The following PLEKHA1 variants were observed in gnomAD, a reference collection of about 807,000 sequenced individuals.
The protein encoded by PLEKHA1 is pleckstrin homology domain containing A1.
A neutral mutation model predicts 52.0 loss-of-function variants in PLEKHA1; 34 were observed. The observed-to-expected ratio is 0.65, with a 90% CI of 0.50 to 0.87. The LOEUF (loss-of-function observed/expected upper bound fraction) is 0.87. Among genes scored for constraint, PLEKHA1 ranks in the 40% least tolerant of loss-of-function variants. The pLI is 0.00. For synonymous variants in PLEKHA1, 163 were observed against 170.7 expected (o/e 0.95, Z 0.35); for missense variants, 497 against 504.2 (o/e 0.99, Z 0.14).
In PLEKHA1 at chr10:122,393,194, C is replaced by T; in HGVS notation, c.-7C>T. 1 of 1,606,000 alleles carries T rather than the reference C, an allele frequency of 6.2e-7. No homozygotes were observed. Among genetic ancestry groups the T allele is most frequent in the Non-Finnish European group, 8.5e-7 (1 of 1,176,750 alleles). On this transcript the variant is annotated 5_prime_UTR_variant, in exon 2 of 12. Transcript: ENST00000368990. The surrounding 1 kb of genome is among the most constrained non-coding windows in gnomAD (Gnocchi z 4.5). ...TTTATTTTACAGTGTAATGTTCAAG[C>T]TCAGAAATGCCTTATGTGGATCGTC...
intron 1 of PLEKHA1, among the ~76,000 whole-genome samples, chr10:122,386,241 T>C (rs1228101979): frequency 6.6e-6 from 1 of 152,152 alleles, no homozygotes; most frequent in African/African-American, 2.4e-5. Context: ...TGACTAATTA[T>C]AGTAGGCATC....
chr10:122,391,667 G>A (rs2096777184), intron 1 of PLEKHA1, among the ~76,000 whole-genome samples: 1 of 151,688 alleles, frequency 6.6e-6, no homozygotes, highest in Non-Finnish European at 1.5e-5. Flanking sequence ...CTCATGGCAA[G>A]TTGATAGCTT....
intron 2 of PLEKHA1, 92 bp from the exon 3 acceptor site, chr10:122,397,826 T>A: frequency 9.7e-7 from 1 of 1,034,746 alleles, no homozygotes; most frequent in Non-Finnish European, 1.4e-6. Flanking sequence ...AAAATTGAGT[T>A]TTTAACTTTT....
intron 3 of PLEKHA1, among the ~76,000 whole-genome samples, chr10:122,398,321 C>T (rs1004782750): frequency 6.6e-6 from 1 of 151,566 alleles, no homozygotes; most frequent in Non-Finnish European, 1.5e-5. Context: ...CTGTTTTCAA[C>T]TTTTAAATCC....
downstream of PLEKHA1, chr10:122,434,699 C>T: frequency 6.9e-6 from 1 of 144,734 alleles, no homozygotes; most frequent in African/African-American, 2.6e-5. Flanking sequence ...GGTATATCTC[C>T]TAATGCTATC....
chr10:122,426,912 A>T, intron 10 of PLEKHA1, 30 bp from the exon 11 acceptor site: 1 of 1,567,214 alleles, frequency 6.4e-7, no homozygotes, highest in South Asian at 1.1e-5. Context: ...TTGAGAAAAA[A>T]TTGTTTGAAT....
intron 3 of PLEKHA1, among the ~76,000 whole-genome samples, chr10:122,398,929 A>G (rs2096888551): frequency 6.6e-6 from 1 of 152,218 alleles, no homozygotes; most frequent in Admixed American, 6.5e-5. Context: ...TTTTTCTGTT[A>G]AGATCATACT....
Position 122,393,461 on chromosome 10 carries a change from C to A in PLEKHA1, c.141+120C>A. The A allele has an allele frequency of 1.0e-6, 1 of 990,350 alleles. No individual in the cohort carries two copies. The highest frequency in any genetic ancestry group is 1.7e-5 in the African/African-American group (1 of 59,770). The allele number at this position is 990,350 out of a possible 1,614,324, so 61.3% of individuals were successfully genotyped here. On this transcript the variant is annotated intron_variant, in intron 2 of 11. Transcript: ENST00000368990. The surrounding 1 kb of genome is among the most constrained non-coding windows in gnomAD (Gnocchi z 4.5). Reference sequence around the variant, plus strand: ...CAGTATATTTTTAGATTTATTTCTACTGGCTGTCCTCTCTGCCCTGCACCC... The same window carrying A: ...CAGTATATTTTTAGATTTATTTCTAATGGCTGTCCTCTCTGCCCTGCACCC...
chr10:122,423,543 A>G lies in PLEKHA1; in HGVS notation c.682-656A>G, dbSNP rs1037661707. 3.9e-5 allele frequency: 6 copies of G among 152,124 alleles called. No individual in the cohort carries two copies. In the East Asian group the frequency reaches 9.6e-4, roughly 24 times the overall value. The allele number at this position is 152,124 out of a possible 1,614,324, so 9.4% of individuals were successfully genotyped here. A position where few individuals can be genotyped will look rare whatever the true frequency, so the allele number is the denominator to read the frequency against. ...CGCTGTCATATTCAATGAAATATGT[A>G]TATTGTATTTTATGGAATGTATACT... On this transcript the variant is annotated intron_variant, in intron 8 of 11. Transcript: ENST00000368990.
At chr10:122,384,997 C>T (rs374295887) in intron 1 of PLEKHA1, among the ~76,000 whole-genome samples, 9 of 152,044 alleles carry the variant, frequency 5.9e-5, no homozygotes, top group African/African-American at 1.9e-4. Flanking sequence ...GGATTTTTAA[C>T]CTTTTGAAGT....
In PLEKHA1 at chr10:122,429,965, C is replaced by T. The variant is rs1207675180; in HGVS notation, c.*27C>T. 6.4e-7 allele frequency: 1 copy of T among 1,572,056 alleles called. No homozygotes were observed. Among genetic ancestry groups the T allele is most frequent in the African/African-American group, 1.4e-5 (1 of 73,244 alleles). On this transcript the variant is annotated 3_prime_UTR_variant, in exon 12 of 12. Transcript: ENST00000368990. ...GCAGAAGCGCACGGAGCCTGCCTGC[C>T]TCTGCCGTCCTCAGTTTCCTTTCAT... is the stretch of plus-strand genomic sequence containing the variant.
chr10:122,428,853 T>C (rs997783993), intron 11 of PLEKHA1, among the ~76,000 whole-genome samples: 1 of 152,214 alleles, frequency 6.6e-6, no homozygotes, highest in African/African-American at 2.4e-5. Flanking sequence ...TATACTAGTA[T>C]ATAGCAATGT....
At chr10:122,390,664 C>T (rs1052299185) in intron 1 of PLEKHA1, among the ~76,000 whole-genome samples, 1 of 152,096 alleles carries the variant, frequency 6.6e-6, no homozygotes, top group African/African-American at 2.4e-5. Flanking sequence ...TGTAGTTCTC[C>T]CACCTATTTG....
rs77565352 is a variant in PLEKHA1 at position 122,400,875 on chromosome 10, A to G, written c.244+487A>G. 2.4e-3 allele frequency among the ~76,000 whole-genome samples: 364 copies of G among 152,328 alleles called. 2 individuals are homozygous for G. Among genetic ancestry groups the G allele is most frequent in the African/African-American group, 8.3e-3 (347 of 41,570 alleles). ...TGGAGCTGTAAGATGAATAAGAAACAGTTGCTGCCCTTAAGGCTGGTTGGC... is the reference window on the plus strand; with the variant it reads ...TGGAGCTGTAAGATGAATAAGAAACGGTTGCTGCCCTTAAGGCTGGTTGGC... On this transcript the variant is annotated intron_variant, in intron 4 of 11. Transcript: ENST00000368990.
intron 3 of PLEKHA1, 96 bp from the exon 4 acceptor site, chr10:122,400,247 T>C (rs2096908751): frequency 3.4e-6 from 3 of 894,556 alleles, no homozygotes; most frequent in South Asian, 4.5e-5. Flanking sequence ...TGTATGATTA[T>C]TGGGGAATCA....
the PLEKHA1 span, chr10:122,440,403 C>G: frequency 2.0e-5 from 3 of 152,216 alleles, no homozygotes; most frequent in African/African-American, 7.2e-5. Context: ...CTTTCCATCT[C>G]CCTGTTTCCC....
chr10:122,410,283 G>T (rs959998766), intron 5 of PLEKHA1, among the ~76,000 whole-genome samples: 3 of 152,084 alleles, frequency 2.0e-5, no homozygotes, highest in Non-Finnish European at 4.4e-5. Flanking sequence ...TGCCTGCCAA[G>T]ATTACATTCA....
At chr10:122,442,144 T>A in the PLEKHA1 span, 4 of 152,214 alleles carry the variant, frequency 2.6e-5, no homozygotes, top group Non-Finnish European at 5.9e-5. Context: ...CTTCCATGAC[T>A]CACTTTTCCA....
At chr10:122,406,780 C>A in intron 5 of PLEKHA1, 107 bp downstream of exon 5, 1 of 822,472 alleles carries the variant, frequency 1.2e-6, no homozygotes, top group South Asian at 1.6e-5. Context: ...GTTTCATACT[C>A]AAGCTTTGTT....
Sources: allele counts gnomAD v4.1 joint callset (sites outside exome capture counted in the v4.1 genomes callset), GRCh38; gene constraint gnomAD v4.1.1; non-coding constraint Gnocchi (gnomAD v3.1); transcripts MANE v1.5; gene names NCBI Gene and HGNC (gene_info 2026-07-23, HGNC 2026-07-21).